SGMS1: variants seen among roughly 807,000 people sequenced by gnomAD.
The protein encoded by SGMS1 is phosphatidylcholine:ceramide cholinephosphotransferase 1.
A neutral mutation model predicts 46.2 loss-of-function variants in SGMS1; 13 were observed. That is an observed-to-expected ratio of 0.28 (90% CI 0.18 to 0.45). The LOEUF is 0.45. Among genes scored for constraint, SGMS1 ranks in the 20% least tolerant of loss-of-function variants. SGMS1 has a pLI of 1.00. For synonymous variants in SGMS1, 203 were observed against 187.8 expected, an observed-to-expected ratio of 1.08 and a Z score of -0.66; for missense variants, 324 against 519.9, an observed-to-expected ratio of 0.62 and a Z score of 3.66.
At chr10:50,320,033 T>G (rs1847414850) in intron 8 of SGMS1, among the ~76,000 whole-genome samples, 1 of 152,200 alleles carries the variant, frequency 6.6e-6, no homozygotes, top group Admixed American at 6.5e-5. Context: ...AGTAACTATA[T>G]ATTAGTTATT....
At chr10:50,462,308 G>A (rs1837275059) in intron 4 of SGMS1, among the ~76,000 whole-genome samples, 1 of 151,844 alleles carries the variant, frequency 6.6e-6, no homozygotes, top group Non-Finnish European at 1.5e-5. Flanking sequence ...TATATAAAAG[G>A]GCACCATCTC....
intron 4 of SGMS1, among the ~76,000 whole-genome samples, chr10:50,462,836 G>A (rs1192025740): frequency 1.3e-5 from 2 of 152,080 alleles, no homozygotes; most frequent in South Asian, 2.1e-4. Context: ...CTGTGGAGTC[G>A]AGCAGAGCTG....
intron 2 of SGMS1, among the ~76,000 whole-genome samples, chr10:50,539,628 G>C (rs1211159049): frequency 2.6e-5 from 4 of 152,176 alleles, no homozygotes; most frequent in Non-Finnish European, 4.4e-5. Flanking sequence ...AGTTGTGGGG[G>C]CATGAACCTG....
intron 3 of SGMS1, among the ~76,000 whole-genome samples, chr10:50,479,663 C>A (rs1484961200): frequency 1.3e-5 from 2 of 152,044 alleles, no homozygotes; most frequent in Non-Finnish European, 2.9e-5. Context: ...ACAAAAATTA[C>A]AAATAATTTG....
chr10:50,452,131 T>C (rs773969348), intron 5 of SGMS1, among the ~76,000 whole-genome samples: 40 of 152,140 alleles, frequency 2.6e-4, no homozygotes, highest in Non-Finnish European at 4.9e-4. Flanking sequence ...ACATAGTACA[T>C]ATAGTAAAAT....
intron 3 of SGMS1, among the ~76,000 whole-genome samples, chr10:50,469,057 G>T (rs1349891147): frequency 6.6e-6 from 1 of 152,192 alleles, no homozygotes; most frequent in Admixed American, 6.5e-5. Flanking sequence ...AGGTTATGTT[G>T]TAACTTGTCC....
intron 5 of SGMS1, among the ~76,000 whole-genome samples, chr10:50,448,725 C>T (rs1445667924): frequency 1.2e-5 from 1 of 84,842 alleles, no homozygotes; most frequent in East Asian, 7.0e-4. Flanking sequence ...GCCTGAGCAA[C>T]AAGAGTGAAA....
intron 6 of SGMS1, among the ~76,000 whole-genome samples, chr10:50,405,107 ATC>A (rs1343456245): frequency 6.6e-6 from 1 of 152,168 alleles, no homozygotes; most frequent in African/African-American, 2.4e-5. Flanking sequence ...AGCCTTTGAC[ATC>A]TCTTTCTAAA....
chr10:50,539,762 C>T (rs974404328), intron 2 of SGMS1, among the ~76,000 whole-genome samples: 3 of 152,160 alleles, frequency 2.0e-5, no homozygotes, highest in African/African-American at 7.2e-5. Flanking sequence ...GTTTTATATT[C>T]TATCTCCTTG....
chr10:50,442,854 A>T (rs916626465), intron 5 of SGMS1, among the ~76,000 whole-genome samples: 95 of 152,232 alleles, frequency 6.2e-4, no homozygotes, highest in African/African-American at 2.1e-3. Context: ...ACTGTGCAGA[A>T]GCTCTTTAGT....
chr10:50,332,297 G>T (rs2133327869), intron 7 of SGMS1, among the ~76,000 whole-genome samples: 1 of 152,214 alleles, frequency 6.6e-6, no homozygotes, highest in African/African-American at 2.4e-5. Context: ...TCTCTGCCTG[G>T]ATTCTGCCTT....
intron 1 of SGMS1, among the ~76,000 whole-genome samples, chr10:50,599,206 GCAAAAAAACAGTAA>G (rs528080924): frequency 0.012 from 1,827 of 152,180 alleles, 16 homozygotes; most frequent in Middle Eastern, 0.051. Context: ...CAGAGTGACT[GCAAAAAAACAGTAA>G]CAAAAAAACA....
At chr10:50,506,118 A>G (rs1837704592) in intron 3 of SGMS1, among the ~76,000 whole-genome samples, 2 of 152,174 alleles carry the variant, frequency 1.3e-5, no homozygotes, top group Admixed American at 6.5e-5. Flanking sequence ...ACTAGAAGTC[A>G]TTCCCCCAGA....
intron 2 of SGMS1, among the ~76,000 whole-genome samples, chr10:50,582,601 C>G (rs1164087258): frequency 6.6e-6 from 1 of 152,172 alleles, no homozygotes; most frequent in Non-Finnish European, 1.5e-5. Context: ...CAAGCAAGTG[C>G]CCACCCTGGA....
intron 7 of SGMS1, among the ~76,000 whole-genome samples, chr10:50,332,715 C>T (rs958449961): frequency 1.0e-4 from 15 of 149,000 alleles, no homozygotes; most frequent in African/African-American, 2.5e-4. Context: ...CTCCATCTCC[C>T]GGGCTCAAGC....
intron 2 of SGMS1, among the ~76,000 whole-genome samples, chr10:50,524,770 A>C (rs1257829460): frequency 3.3e-5 from 5 of 152,198 alleles, no homozygotes; most frequent in African/African-American, 1.2e-4. Context: ...AAACAGCATG[A>C]AACATAGTTA....
intron 6 of SGMS1, among the ~76,000 whole-genome samples, chr10:50,353,744 C>G (rs1447640674): frequency 6.6e-6 from 1 of 152,396 alleles, no homozygotes; most frequent in South Asian, 2.1e-4. Flanking sequence ...AGCAAAGTCT[C>G]AGGATACAAA....
At chr10:50,390,807 CT>C (rs1287979325) in intron 6 of SGMS1, among the ~76,000 whole-genome samples, 2 of 152,156 alleles carry the variant, frequency 1.3e-5, no homozygotes, top group African/African-American at 4.8e-5. Flanking sequence ...TATCAAGTAT[CT>C]TGAGTCTCCA....
At chr10:50,608,779 C>T (rs76716719) in intron 1 of SGMS1, among the ~76,000 whole-genome samples, 20,577 of 152,052 alleles carry the variant, frequency 0.14, 1,754 homozygotes, top group Non-Finnish European at 0.2. Flanking sequence ...CCTATGAATA[C>T]AATCACCCCT....
Sources: allele counts gnomAD v4.1 joint callset (sites outside exome capture counted in the v4.1 genomes callset), GRCh38; gene constraint gnomAD v4.1.1; transcripts MANE v1.5; gene names NCBI Gene and HGNC (gene_info 2026-07-23, HGNC 2026-07-21).